SCFD2: variants seen among roughly 807,000 people sequenced by gnomAD.
SCFD2 encodes sec1 family domain containing 2.
A neutral mutation model predicts 58.9 loss-of-function variants in SCFD2; 54 were observed. The ratio of observed to expected loss-of-function variants is 0.92; its 90% CI spans 0.74 to 1.15. SCFD2 has a LOEUF of 1.15. Ranked by LOEUF, SCFD2 falls within the 50% of genes most tolerant of loss-of-function variation. The pLI, the probability that SCFD2 is intolerant of heterozygous loss-of-function variation, is 0.00. For missense variants in SCFD2, 805 were observed against 836.6 expected, an observed-to-expected ratio of 0.96 and a Z score of 0.47; for synonymous variants, 321 against 335.9, an observed-to-expected ratio of 0.96 and a Z score of 0.49.
intron 2 of SCFD2, among the ~76,000 whole-genome samples, chr4:53,329,293 G>T (rs1192987011): frequency 1.3e-5 from 2 of 152,092 alleles, no homozygotes; most frequent in Non-Finnish European, 1.5e-5. Flanking sequence ...CTGGGGGCAG[G>T]GCACAGACAA....
chr4:52,952,988 C>G (rs992357111), intron 5 of SCFD2, among the ~76,000 whole-genome samples: 1 of 152,158 alleles, frequency 6.6e-6, no homozygotes, highest in Non-Finnish European at 1.5e-5. Context: ...AAGTTTATAA[C>G]TTTAAAATGT....
chr4:53,121,835 C>A (rs1725486839), intron 5 of SCFD2, among the ~76,000 whole-genome samples: 1 of 151,868 alleles, frequency 6.6e-6, no homozygotes, highest in African/African-American at 2.4e-5. Context: ...ATGACTGGTA[C>A]AATGATTATA....
intron 4 of SCFD2, among the ~76,000 whole-genome samples, chr4:53,232,325 G>A (rs1229418633): frequency 6.6e-6 from 1 of 152,012 alleles, no homozygotes; most frequent in Non-Finnish European, 1.5e-5. Context: ...TTAATCACAT[G>A]GATGGATAAC....
chr4:52,885,926 T>C, intron 7 of SCFD2, 60 bp from the exon 8 acceptor site: 1 of 1,603,362 alleles, frequency 6.2e-7, no homozygotes, highest in Non-Finnish European at 8.5e-7. Flanking sequence ...ACAATGCAGC[T>C]GGGTACCATC....
At chr4:52,902,376 G>A (rs1719224893) in intron 7 of SCFD2, among the ~76,000 whole-genome samples, 1 of 152,226 alleles carries the variant, frequency 6.6e-6, no homozygotes, top group African/African-American at 2.4e-5. Context: ...CACAGGCACA[G>A]CAAAAGAAGA....
chr4:53,202,683 G>C (rs1485727922), intron 4 of SCFD2, among the ~76,000 whole-genome samples: 4 of 152,218 alleles, frequency 2.6e-5, no homozygotes, highest in Non-Finnish European at 1.5e-5. Flanking sequence ...CCATTTGTTT[G>C]TATCCTCTTT....
intron 3 of SCFD2, among the ~76,000 whole-genome samples, chr4:53,285,432 C>A (rs1421102765): frequency 6.6e-6 from 1 of 151,902 alleles, no homozygotes; most frequent in Non-Finnish European, 1.5e-5. Context: ...TGGGCCTTCT[C>A]CCCATATCAT....
chr4:53,324,725 G>C (rs1733132008), intron 2 of SCFD2, among the ~76,000 whole-genome samples: 1 of 152,104 alleles, frequency 6.6e-6, no homozygotes, highest in Non-Finnish European at 1.5e-5. Context: ...ATGGCGCTGG[G>C]GTGATGAGGG....
intron 4 of SCFD2, among the ~76,000 whole-genome samples, chr4:53,205,787 A>G (rs1040758258): frequency 3.3e-5 from 5 of 151,888 alleles, no homozygotes; most frequent in Admixed American, 3.3e-4. Context: ...GCATGAACCC[A>G]GGAAGCGGAG....
chr4:53,281,508 T>G (rs1731508598), intron 3 of SCFD2, among the ~76,000 whole-genome samples: 1 of 152,222 alleles, frequency 6.6e-6, no homozygotes, highest in Admixed American at 6.5e-5. Context: ...AATTCAACAG[T>G]TGACACAAGA....
At chr4:53,218,794 T>C (rs1045144720) in intron 4 of SCFD2, among the ~76,000 whole-genome samples, 30 of 152,348 alleles carry the variant, frequency 2.0e-4, no homozygotes, top group South Asian at 1.0e-3. Context: ...TGCTCTTTGA[T>C]GATGGTGACA....
At chr4:53,337,534 G>T (rs11725172) in intron 2 of SCFD2, among the ~76,000 whole-genome samples, 89,866 of 151,896 alleles carry the variant, frequency 0.59, 26,723 homozygotes, top group Middle Eastern at 0.66. Context: ...AAAATGACAT[G>T]TATCAACCCA....
chr4:53,265,208 G>C (rs1224737005), intron 4 of SCFD2, among the ~76,000 whole-genome samples: 1 of 152,046 alleles, frequency 6.6e-6, no homozygotes, highest in Non-Finnish European at 1.5e-5. Flanking sequence ...CAGATGTTGG[G>C]CAGCGTTCAA....
intron 4 of SCFD2, among the ~76,000 whole-genome samples, chr4:53,164,295 G>C (rs1314032195): frequency 6.6e-6 from 1 of 152,074 alleles, no homozygotes; most frequent in South Asian, 2.1e-4. Flanking sequence ...GTTCCGTGGA[G>C]CCCCTGAGTG....
intron 5 of SCFD2, among the ~76,000 whole-genome samples, chr4:52,981,611 G>A (rs1429721786): frequency 6.6e-6 from 1 of 152,038 alleles, no homozygotes; most frequent in Non-Finnish European, 1.5e-5. Flanking sequence ...CCTTATTTTA[G>A]AGGAGAAAAT....
intron 3 of SCFD2, among the ~76,000 whole-genome samples, chr4:53,287,793 AAG>A (rs1195821133): frequency 6.6e-6 from 1 of 152,244 alleles, no homozygotes; most frequent in African/African-American, 2.4e-5. Flanking sequence ...AGTAATCTTA[AAG>A]AGACTTAGCA....
intron 4 of SCFD2, among the ~76,000 whole-genome samples, chr4:53,193,754 G>T (rs931113438): frequency 6.6e-6 from 1 of 152,114 alleles, no homozygotes; most frequent in African/African-American, 2.4e-5. Flanking sequence ...ATAGAACTTT[G>T]AGTACTTTTT....
rs77325312 is a variant in SCFD2, at chr4:53,043,045, G to A, written c.1561+102288C>T. On this transcript the variant is annotated intron_variant, in intron 5 of 8. Transcript: ENST00000401642. Reference sequence around the variant, plus strand: ...TACTTCTAAAAATAAATACCACCTCGCCATTTCTGACCACGGCAGTGGGTT... The same window carrying A: ...TACTTCTAAAAATAAATACCACCTCACCATTTCTGACCACGGCAGTGGGTT... Among the ~76,000 whole-genome samples the A allele has an allele frequency of 8.3e-4, 126 of 152,240 alleles. 1 individual carries two copies. In the East Asian group the frequency reaches 0.016, roughly 19 times the overall value.
intron 4 of SCFD2, among the ~76,000 whole-genome samples, chr4:53,194,454 G>A (rs1053089734): frequency 6.6e-6 from 1 of 152,052 alleles, no homozygotes; most frequent in African/African-American, 2.4e-5. Flanking sequence ...CACTTTTGAA[G>A]ACTATTATTC....
Sources: gnomAD v4.1 joint callset for allele counts (sites outside exome capture counted in the v4.1 genomes callset) on GRCh38, gnomAD v4.1.1 for gene constraint, MANE v1.5 for transcripts, NCBI Gene and HGNC (gene_info 2026-07-23, HGNC 2026-07-21) for gene names.